The following RPS6KA2 variants were observed in gnomAD, a reference collection of about 807,000 sequenced individuals.
The protein encoded by RPS6KA2 is ribosomal protein S6 kinase A2.
Under a neutral mutation model 91.8 loss-of-function variants are expected in RPS6KA2, and 42 were observed. The ratio of observed to expected loss-of-function variants is 0.46; its 90% CI spans 0.36 to 0.59. The LOEUF (loss-of-function observed/expected upper bound fraction) is 0.59. RPS6KA2 is among the 20% of genes least tolerant of loss of function. The pLI, the probability that RPS6KA2 is intolerant of heterozygous loss-of-function variation, is 0.00. For synonymous variants in RPS6KA2, 414 were observed against 393.6 expected (o/e 1.05, Z -0.61); for missense variants, 798 against 978.5 (o/e 0.82, Z 2.46).
intron 2 of RPS6KA2, among the ~76,000 whole-genome samples, chr6:166,824,805 C>G (rs144922940): frequency 0.17 from 3,366 of 19,880 alleles, 56 homozygotes; most frequent in Non-Finnish European, 0.24. Flanking sequence ...GTCTGTGTGT[C>G]TATGTGTGTC....
At chr6:166,556,927 A>AG (rs1381167873) in intron 1 of RPS6KA2, among the ~76,000 whole-genome samples, 1 of 152,250 alleles carries the variant, frequency 6.6e-6, no homozygotes, top group Non-Finnish European at 1.5e-5. Flanking sequence ...AGCCCGCTAG[A>AG]GGCTGGTATG....
At position 166,556,330 on chromosome 6, in the gene RPS6KA2, A is replaced by G. The variant is rs3799626; in HGVS notation, c.100-17546T>C. Among the ~76,000 whole-genome samples, 684 of 152,314 alleles carry G rather than the reference A, an allele frequency of 4.5e-3. 31 individuals are homozygous for G. In the South Asian group the frequency reaches 0.087, roughly 19 times the overall value. ...CCACAGGCGACTGACTGTAGATGTT[A>G]CTACATTTTCATTTTTCTTGGCTTG... On this transcript the variant is annotated intron_variant, in intron 1 of 20. Coordinates refer to ENST00000265678, the MANE Select transcript of RPS6KA2 (RefSeq NM_021135.6).
At chr6:166,861,732 G>A (rs529175771) in intron 1 of RPS6KA2, among the ~76,000 whole-genome samples, 1 of 152,304 alleles carries the variant, frequency 6.6e-6, no homozygotes, top group East Asian at 1.9e-4. Context: ...GCAAATGGAA[G>A]GCTTCTAATT....
At chr6:166,694,369 T>C (rs997408871) in intron 2 of RPS6KA2, among the ~76,000 whole-genome samples, 3 of 152,256 alleles carry the variant, frequency 2.0e-5, no homozygotes, top group African/African-American at 7.2e-5. Context: ...GAAGACTCTG[T>C]AGTCTCTTTC....
chr6:166,591,413 A>G (rs1182747935), intron 1 of RPS6KA2, among the ~76,000 whole-genome samples: 1 of 152,156 alleles, frequency 6.6e-6, no homozygotes, highest in Non-Finnish European at 1.5e-5. Context: ...GCATGTCTTG[A>G]CTTGGAAACA....
At chr6:166,798,991 A>G (rs2128617177) in intron 2 of RPS6KA2, among the ~76,000 whole-genome samples, 1 of 152,390 alleles carries the variant, frequency 6.6e-6, no homozygotes, top group Middle Eastern at 3.4e-3. Context: ...GAGAGCCCCT[A>G]TTCAAGTTGT....
chr6:166,641,321 C>G (rs993923265), intron 2 of RPS6KA2, among the ~76,000 whole-genome samples: 5 of 151,850 alleles, frequency 3.3e-5, no homozygotes, highest in Non-Finnish European at 4.4e-5. Context: ...TGAAAAACAG[C>G]AAGGAAGGTT....
At chr6:166,813,156 C>T (rs1779682645) in intron 2 of RPS6KA2, among the ~76,000 whole-genome samples, 1 of 152,052 alleles carries the variant, frequency 6.6e-6, no homozygotes. Flanking sequence ...TTTATAGTAC[C>T]TCCATATCAC....
intron 1 of RPS6KA2, among the ~76,000 whole-genome samples, chr6:166,616,481 C>T (rs1472203025): frequency 6.6e-6 from 1 of 152,226 alleles, no homozygotes; most frequent in Non-Finnish European, 1.5e-5. Flanking sequence ...TCCAGCAACA[C>T]GTGTTCACAT....
chr6:166,635,670 G>GA lies in RPS6KA2; in HGVS notation c.124-96887dup, dbSNP rs1182071635. Among the ~76,000 whole-genome samples, 1 of 152,132 alleles carries GA rather than the reference G, an allele frequency of 6.6e-6. No individual in the cohort carries two copies. Among genetic ancestry groups the GA allele is most frequent in the African/African-American group, 2.4e-5 (1 of 41,414 alleles). ...CCCCATGGAGTTTACCCCAGAAGAGGAGGAAGAGCCCGGGAGGCTTTGGCA... is the reference window on the plus strand; with the variant it reads ...CCCCATGGAGTTTACCCCAGAAGAGGAAGGAAGAGCCCGGGAGGCTTTGGCA... On this transcript the variant is annotated intron_variant, in intron 2 of 21. Coordinates refer to the RPS6KA2 transcript ENST00000503859. This position sits in a 1 kb window ranked among gnomAD's most constrained non-coding sequence, Gnocchi z 4.8.
chr6:166,537,550 A>T (rs1783520433), intron 2 of RPS6KA2, among the ~76,000 whole-genome samples: 1 of 152,016 alleles, frequency 6.6e-6, no homozygotes, highest in African/African-American at 2.4e-5. Context: ...TTTACAAACA[A>T]TCCAGTTCAT....
intron 1 of RPS6KA2, among the ~76,000 whole-genome samples, chr6:166,616,004 T>C (rs1308883930): frequency 6.6e-6 from 1 of 152,138 alleles, no homozygotes; most frequent in Non-Finnish European, 1.5e-5. Context: ...ACCCAATCCC[T>C]GTAACAGCAG....
chr6:166,659,929 T>G (rs957180291), intron 2 of RPS6KA2, among the ~76,000 whole-genome samples: 4 of 101,220 alleles, frequency 4.0e-5, no homozygotes, highest in African/African-American at 1.7e-4. Flanking sequence ...ATTTTTTGTA[T>G]TTTTTTTTTT....
intron 12 of RPS6KA2, among the ~76,000 whole-genome samples, chr6:166,454,359 G>A (rs546954709): frequency 2.6e-5 from 4 of 152,144 alleles, no homozygotes; most frequent in South Asian, 2.1e-4. Flanking sequence ...TTAGCCAGGC[G>A]GGGTGGCGCA....
intron 11 of RPS6KA2, among the ~76,000 whole-genome samples, chr6:166,464,278 C>T (rs2235286): frequency 0.13 from 20,076 of 152,144 alleles, 1,667 homozygotes; most frequent in East Asian, 0.41. Flanking sequence ...GATCACCGAG[C>T]GACCTCAAGC....
At chr6:166,766,590 C>T (rs371167142) in intron 2 of RPS6KA2, among the ~76,000 whole-genome samples, 13 of 152,012 alleles carry the variant, frequency 8.6e-5, no homozygotes, top group Admixed American at 3.9e-4. Flanking sequence ...CTGTTTTTTC[C>T]CCTAAAATTA....
At position 166,848,509 on chromosome 6, in the gene RPS6KA2, T is replaced by C. The variant is rs547104417; in HGVS notation, c.123+9691A>G. On this transcript the variant is annotated intron_variant, in intron 2 of 21. Coordinates refer to the RPS6KA2 transcript ENST00000503859. ...TGCAAAAATGTGGAACCACCCCAAA[T>C]GCCCATCAGTCAATTAGTGGATAAA... Among the ~76,000 whole-genome samples, 20 of 152,300 alleles carry C rather than the reference T, an allele frequency of 1.3e-4. 1 individual carries two copies. The South Asian group carries it at 1.7e-3, about 13-fold the overall frequency.
At chr6:166,591,206 C>T (rs1785343736) in intron 1 of RPS6KA2, among the ~76,000 whole-genome samples, 1 of 152,214 alleles carries the variant, frequency 6.6e-6, no homozygotes, top group Admixed American at 6.5e-5. Context: ...AGCAAACACA[C>T]CCTCCACGGG....
chr6:166,517,450 G>GTTTTTTTTTTTT (rs1562550709), intron 3 of RPS6KA2, among the ~76,000 whole-genome samples: 5 of 83,796 alleles, frequency 6.0e-5, no homozygotes, highest in African/African-American at 3.4e-4. Context: ...GCGTTCTTTT[G>GTTTTTTTTTTTT]TTTTGTTTTT....
Sources: gnomAD v4.1 joint callset for allele counts (sites outside exome capture counted in the v4.1 genomes callset) on GRCh38, gnomAD v4.1.1 for gene constraint, Gnocchi (gnomAD v3.1) non-coding constraint, MANE v1.5 for transcripts, NCBI Gene and HGNC (gene_info 2026-07-23, HGNC 2026-07-21) for gene names.